Variants in ULK4 observed in about 807,000 individuals in gnomAD.
ULK4 encodes the protein inactive serine/threonine-protein kinase ULK4.
In ULK4, 133 loss-of-function variants were observed where a neutral mutation model predicts 160.6. That is an observed-to-expected ratio of 0.83 (90% CI 0.72 to 0.96). The LOEUF (loss-of-function observed/expected upper bound fraction) is 0.96, where lower values mean the gene tolerates loss of function less well. Among genes scored for constraint, ULK4 ranks in the 40% least tolerant of loss-of-function variants. ULK4 has a pLI of 0.00. For missense variants in ULK4, 1,580 were observed against 1,499.5 expected (o/e 1.05, Z -0.89); for synonymous variants, 534 against 539.8 (o/e 0.99, Z 0.15).
chr3:41,772,555 A>G (rs536030067), intron 21 of ULK4, among the ~76,000 whole-genome samples: 7 of 151,906 alleles, frequency 4.6e-5, no homozygotes, highest in African/African-American at 1.7e-4. Flanking sequence ...CAATAACAGG[A>G]TCTGAAATTG....
At chr3:41,621,261 C>A (rs1051569407) in intron 30 of ULK4, among the ~76,000 whole-genome samples, 13 of 152,096 alleles carry the variant, frequency 8.5e-5, no homozygotes, top group African/African-American at 1.4e-4. Flanking sequence ...TTAGAAAAAA[C>A]CATTTTAAAT....
intron 21 of ULK4, among the ~76,000 whole-genome samples, chr3:41,756,399 T>C (rs1192894160): frequency 1.3e-5 from 2 of 152,136 alleles, no homozygotes; most frequent in African/African-American, 2.4e-5. Context: ...TACACAACCA[T>C]TAAAAAGAGG....
intron 35 of ULK4, among the ~76,000 whole-genome samples, chr3:41,284,512 C>T (rs537695971): frequency 6.6e-6 from 1 of 152,156 alleles, no homozygotes; most frequent in East Asian, 1.9e-4. Flanking sequence ...CCCCTTTCAA[C>T]AAATGGTGCT....
intron 19 of ULK4, among the ~76,000 whole-genome samples, chr3:41,815,081 G>A (rs1024317943): frequency 3.3e-5 from 5 of 151,890 alleles, no homozygotes; most frequent in African/African-American, 1.2e-4. Context: ...ACTAATTTTT[G>A]TATTTTTAGC....
At chr3:41,789,871 A>C in intron 20 of ULK4, 28 bp from the exon 21 acceptor site, 1 of 1,526,844 alleles carries the variant, frequency 6.5e-7, no homozygotes, top group Non-Finnish European at 8.8e-7. Flanking sequence ...CAGACCTGTC[A>C]GGCAACTCCA....
chr3:41,386,531 G>A (rs1010455940), intron 35 of ULK4, among the ~76,000 whole-genome samples: 2 of 152,142 alleles, frequency 1.3e-5, no homozygotes, highest in African/African-American at 4.8e-5. Flanking sequence ...AACAGAGGGA[G>A]AATTGGAGCC....
At chr3:41,424,550 G>A (rs1300430398) in intron 34 of ULK4, among the ~76,000 whole-genome samples, 2 of 152,154 alleles carry the variant, frequency 1.3e-5, no homozygotes, top group Non-Finnish European at 2.9e-5. Context: ...CTGGGACAGA[G>A]ATTCCAGAAA....
At chr3:41,265,494 G>A (rs1363609984) in intron 35 of ULK4, among the ~76,000 whole-genome samples, 1 of 152,176 alleles carries the variant, frequency 6.6e-6, no homozygotes, top group African/African-American at 2.4e-5. Flanking sequence ...TAATAAAATT[G>A]GGAGGAAAAT....
chr3:41,935,884 T>A lies in ULK4; in HGVS notation c.295A>T (p.Arg99Ter). ...QDENLPEDVV[R>*]EFGIDLISGL... Reference sequence around the variant, plus strand: ...CTAATCAGGTCAATTCCAAATTCTCTCACAACATCTTCTGGGAGGTTTTCA... The same window carrying A: ...CTAATCAGGTCAATTCCAAATTCTCACACAACATCTTCTGGGAGGTTTTCA... Residue 99 changes from arginine (R) to a stop codon, truncating the protein, a stop_gained, in exon 4 of 37, where the codon AGA (arginine) becomes TGA (stop). Transcript: ENST00000301831. LOFTEE classifies it high-confidence loss of function. The A allele has an allele frequency of 6.2e-7, 1 of 1,614,028 alleles. No homozygotes were observed. The highest frequency in any genetic ancestry group is 8.5e-7 in the Non-Finnish European group (1 of 1,179,998).
At chr3:41,655,562 C>G (rs879392239) in intron 30 of ULK4, among the ~76,000 whole-genome samples, 1 of 151,946 alleles carries the variant, frequency 6.6e-6, no homozygotes, top group Admixed American at 6.6e-5. Flanking sequence ...AAAAAATTAT[C>G]TAGGTGTAGC....
chr3:41,542,606 T>C (rs2086733160), intron 32 of ULK4, among the ~76,000 whole-genome samples: 1 of 152,208 alleles, frequency 6.6e-6, no homozygotes, highest in Non-Finnish European at 1.5e-5. Flanking sequence ...TACAAGCTCC[T>C]CTTTGTACCT....
chr3:41,463,508 C>T (rs1037938836), intron 32 of ULK4, among the ~76,000 whole-genome samples: 2 of 152,164 alleles, frequency 1.3e-5, no homozygotes, highest in African/African-American at 2.4e-5. Context: ...CAAACCACAG[C>T]TTGAGAAACA....
At chr3:41,425,094 G>T (rs553686793) in intron 34 of ULK4, among the ~76,000 whole-genome samples, 1 of 152,006 alleles carries the variant, frequency 6.6e-6, no homozygotes, top group African/African-American at 2.4e-5. Context: ...GCTTACAGAG[G>T]AACATAAATG....
chr3:41,590,903 AGCT>A (rs2031255848), intron 31 of ULK4, among the ~76,000 whole-genome samples: 1 of 152,164 alleles, frequency 6.6e-6, no homozygotes, highest in African/African-American at 2.4e-5. Context: ...GGGGAAAAAA[AGCT>A]TTTTGAAGAA....
chr3:41,903,419 T>C (rs1051636047), intron 12 of ULK4, among the ~76,000 whole-genome samples: 19 of 151,978 alleles, frequency 1.3e-4, no homozygotes, highest in African/African-American at 4.4e-4. Context: ...ACCCCATCTG[T>C]CCTAAAAATA....
intron 32 of ULK4, among the ~76,000 whole-genome samples, chr3:41,469,286 C>T (rs760192314): frequency 1.3e-5 from 2 of 152,134 alleles, no homozygotes; most frequent in Admixed American, 6.5e-5. Context: ...AGCAGCTGCT[C>T]CCAGCCATTC....
intron 21 of ULK4, among the ~76,000 whole-genome samples, chr3:41,784,420 A>C (rs1248910950): frequency 6.6e-6 from 1 of 152,178 alleles, no homozygotes; most frequent in Admixed American, 6.6e-5. Context: ...GAAATCAAGC[A>C]AAACTCCGTC....
chr3:41,532,101 T>C (rs2086340710), intron 32 of ULK4, among the ~76,000 whole-genome samples: 1 of 152,194 alleles, frequency 6.6e-6, no homozygotes, highest in Non-Finnish European at 1.5e-5. Context: ...TGCTTTCAAA[T>C]AGGTTTTGAC....
At chr3:41,823,849 C>T (rs1298202602) in intron 18 of ULK4, among the ~76,000 whole-genome samples, 2 of 152,106 alleles carry the variant, frequency 1.3e-5, no homozygotes, top group African/African-American at 2.4e-5. Flanking sequence ...TTCAAATAGC[C>T]TAGCTTGTAT....
Sources: gnomAD v4.1 joint callset for allele counts (sites outside exome capture counted in the v4.1 genomes callset) on GRCh38, gnomAD v4.1.1 for gene constraint, MANE v1.5 for transcripts, NCBI Gene and HGNC (gene_info 2026-07-23, HGNC 2026-07-21) for gene names.